Variants in YTHDC2 observed in about 807,000 individuals in gnomAD.
YTHDC2 encodes YTH N6-methyladenosine RNA binding protein C2.
A neutral mutation model predicts 174.9 loss-of-function variants in YTHDC2; 45 were observed. The ratio of observed to expected loss-of-function variants is 0.26; its 90% confidence interval spans 0.20 to 0.33. YTHDC2 has a LOEUF of 0.33. Among genes scored for constraint, YTHDC2 ranks in the 10% least tolerant of loss-of-function variants. The pLI is 1.00. For missense variants in YTHDC2, 1,650 were observed against 1,723.7 expected (o/e 0.96, Z 0.76); for synonymous variants, 657 against 574.5 (o/e 1.14, Z -2.05).
chr5:113,579,895 G>A (rs1358032446), intron 24 of YTHDC2, 200 bp downstream of exon 24: 1 of 985,226 alleles, frequency 1.0e-6, no homozygotes, highest in Non-Finnish European at 1.2e-6. Flanking sequence ...AAACCTAGTT[G>A]TGGCTCATTA....
intron 26 of YTHDC2, among the ~76,000 whole-genome samples, chr5:113,587,404 A>G (rs1284129787): frequency 4.1e-5 from 2 of 48,696 alleles, no homozygotes; most frequent in African/African-American, 1.6e-4. Context: ...TATATAATAT[A>G]TAAATATATA....
chr5:113,584,794 T>TTTTAGG (rs1778586703), intron 26 of YTHDC2, among the ~76,000 whole-genome samples: 1 of 141,018 alleles, frequency 7.1e-6, no homozygotes, highest in Non-Finnish European at 1.5e-5. Flanking sequence ...TTTTTTTTTT[T>TTTTAGG]GAGGTGGGGT....
intron 2 of YTHDC2, among the ~76,000 whole-genome samples, chr5:113,520,424 A>G (rs748949311): frequency 2.0e-5 from 3 of 152,212 alleles, no homozygotes; most frequent in Non-Finnish European, 1.5e-5. Flanking sequence ...AATATGCTAA[A>G]TAAAATAAAA....
intron 2 of YTHDC2, among the ~76,000 whole-genome samples, chr5:113,523,507 A>G (rs1056977021): frequency 4.1e-4 from 63 of 152,266 alleles, no homozygotes; most frequent in Non-Finnish European, 5.4e-4. Flanking sequence ...AGAACCTATT[A>G]TAGAGAACAT....
intron 4 of YTHDC2, 111 bp downstream of exon 4, chr5:113,526,896 A>G (rs1166615433): frequency 7.7e-6 from 2 of 259,098 alleles, no homozygotes; most frequent in African/African-American, 4.5e-5. Context: ...ATATGTTTAA[A>G]AAAACAGAAA....
Position 113,584,482 on chromosome 5 carries a change from A to G in YTHDC2, c.3825+3A>G, listed in dbSNP as rs765110005. 14 of 1,602,160 alleles carry G rather than the reference A, an allele frequency of 8.7e-6. No homozygotes were observed. The highest frequency in any genetic ancestry group is 1.7e-5 in the Admixed American group (1 of 58,328). On this transcript the variant is annotated splice_donor_region_variant and intron_variant, in intron 26 of 29. Coordinates refer to ENST00000161863, the MANE Select transcript of YTHDC2 (RefSeq NM_022828.5). Reference sequence around the variant, plus strand: ...CTTCTCCTCCATCCTCAGGAAAGGTAAGAGTATCTGAAAGAAAATGTAGTA... The same window carrying G: ...CTTCTCCTCCATCCTCAGGAAAGGTGAGAGTATCTGAAAGAAAATGTAGTA...
chr5:113,585,170 A>G (rs1468024701), intron 26 of YTHDC2, among the ~76,000 whole-genome samples: 3 of 151,950 alleles, frequency 2.0e-5, no homozygotes, highest in Non-Finnish European at 2.9e-5. Context: ...GTTTCTTTCT[A>G]TTGTTAATTG....
chr5:113,589,913 ACTTTT>A (rs1778918216), intron 26 of YTHDC2, among the ~76,000 whole-genome samples: 1 of 151,652 alleles, frequency 6.6e-6, no homozygotes, highest in Admixed American at 6.6e-5. Context: ...TTTTTCTTTT[ACTTTT>A]CTTTCTGTTT....
At chr5:113,542,342 T>G in intron 9 of YTHDC2, 26 bp from the exon 10 acceptor site, 1 of 1,601,466 alleles carries the variant, frequency 6.2e-7, no homozygotes. Flanking sequence ...TTTATGATAA[T>G]TTATGATTTT....
rs544375471 is a variant in YTHDC2, at chr5:113,527,637, A to G, written c.675+852A>G. Among the ~76,000 whole-genome samples the G allele has an allele frequency of 1.3e-5, 2 of 152,342 alleles. 1 individual carries two copies. The highest frequency in any genetic ancestry group is 4.8e-5 in the African/African-American group (2 of 41,592). On this transcript the variant is annotated intron_variant, in intron 4 of 29. Transcript: ENST00000161863. ...GGCAAGGTGGGAGGAGAAGTTGAGT[A>G]TAAACTTTACCAGTTTTTTACTTGA...
At chr5:113,558,160 G>T (rs1335164172) in intron 17 of YTHDC2, among the ~76,000 whole-genome samples, 3 of 152,198 alleles carry the variant, frequency 2.0e-5, no homozygotes, top group African/African-American at 7.2e-5. Context: ...GAGTGAATAG[G>T]GAGGATGTTT....
chr5:113,584,758 T>C (rs1246441011), intron 26 of YTHDC2, among the ~76,000 whole-genome samples: 3 of 150,538 alleles, frequency 2.0e-5, no homozygotes, highest in African/African-American at 7.3e-5. Flanking sequence ...ATTTCTTTCC[T>C]ATTTCTTTCG....
chr5:113,529,125 TATG>T (rs1241827097), intron 4 of YTHDC2, among the ~76,000 whole-genome samples: 2 of 152,220 alleles, frequency 1.3e-5, no homozygotes, highest in Non-Finnish European at 1.5e-5. Context: ...ACATTTTTGT[TATG>T]ATAATAAACA....
In YTHDC2 at chr5:113,591,180, G is replaced by A. The variant is rs369293847; in HGVS notation, c.3965G>A (p.Arg1322Gln). Residue 1322 changes from arginine to glutamine, a missense_variant, in exon 27 of 30, where the codon CGA (arginine) becomes CAA (glutamine). Arg to Gln is a conservative substitution (Grantham distance 43). Transcript: ENST00000161863. ...CCTAGTAATGAACGGAAGCTAAATC[G>A]AGCCTTTTGGGAAAGCAGCATAGTT... ...TTPSNERKLN[R>Q]AFWESSIVYL... 3.3e-5 allele frequency: 54 copies of A among 1,613,802 alleles called. No homozygotes were observed. Among genetic ancestry groups the A allele is most frequent in the Non-Finnish European group, 4.4e-5 (52 of 1,179,890 alleles).
rs1186434384 is a variant in YTHDC2, at chr5:113,518,241, T to G, written c.278+2879T>G. ...CAAGGTCTTGCTCTGTCACCCAGGC[T>G]TTAGTGCAGTGGAATGATGACGGCT... On this transcript the variant is annotated intron_variant, in intron 2 of 29. Coordinates refer to ENST00000161863, the MANE Select transcript of YTHDC2 (RefSeq NM_022828.5). 4.8e-5 allele frequency among the ~76,000 whole-genome samples: 7 copies of G among 147,304 alleles called. No homozygotes were observed. In the East Asian group the frequency reaches 1.5e-3, roughly 31 times the overall value.
chr5:113,520,038 C>A (rs1773756239), intron 2 of YTHDC2, among the ~76,000 whole-genome samples: 1 of 152,148 alleles, frequency 6.6e-6, no homozygotes. Context: ...AGTCCTAATG[C>A]TCTTCCTTTC....
intron 21 of YTHDC2, among the ~76,000 whole-genome samples, chr5:113,566,626 A>T (rs1465562821): frequency 6.6e-6 from 1 of 152,110 alleles, no homozygotes; most frequent in Non-Finnish European, 1.5e-5. Flanking sequence ...TTAAGAGTTG[A>T]CTTGAACATA....
At chr5:113,540,898 T>C in intron 8 of YTHDC2, 70 bp from the exon 9 acceptor site, 1 of 1,450,036 alleles carries the variant, frequency 6.9e-7, no homozygotes, top group South Asian at 1.3e-5. Context: ...CATAATTTAT[T>C]TAAACAAAGG....
In YTHDC2 at chr5:113,553,961, C is replaced by T; in HGVS notation, c.2072C>T (p.Ala691Val). The change falls in exon 16 of 30, where the codon GCT becomes GTT. Residue 691 changes from alanine to valine, a missense_variant. By Grantham distance (64) the Ala-to-Val change is moderately conservative. This residue lies in a region of YTHDC2 where 913 missense variants were observed against 940.4 expected (regional missense o/e 0.97). Transcript: ENST00000161863. ...TTGCAGATTCTTTCCACCAATATTG[C>T]TGAAACCAGCATCACAGTCAATGAT... ...VRKIILSTNIAETSITVNDVV... is the reference protein window; with the variant it reads ...VRKIILSTNIVETSITVNDVV... 6.3e-7 allele frequency: 1 copy of T among 1,587,036 alleles called. No individual in the cohort carries two copies. The highest frequency in any genetic ancestry group is 8.6e-7 in the Non-Finnish European group (1 of 1,169,380).
Sources: allele counts gnomAD v4.1 joint callset (sites outside exome capture counted in the v4.1 genomes callset), GRCh38; gene constraint gnomAD v4.1.1; regional missense constraint gnomAD v4.1.1; transcripts MANE v1.5; gene names NCBI Gene and HGNC (gene_info 2026-07-23, HGNC 2026-07-21).